PRKN: variants seen among roughly 807,000 people sequenced by gnomAD.
The protein encoded by PRKN is E3 ubiquitin-protein ligase parkin.
Under a neutral mutation model 59.5 loss-of-function variants are expected in PRKN, and 56 were observed. That is an observed-to-expected ratio of 0.94 (90% CI 0.76 to 1.18). The LOEUF is 1.18. Ranked by LOEUF, PRKN falls within the 50% of genes most tolerant of loss-of-function variation. The probability of loss-of-function intolerance (pLI) is 0.00; values close to 1 mark genes in which losing one functional copy is unlikely to be tolerated. For missense variants in PRKN, 657 were observed against 596.4 expected (o/e 1.10, Z -1.06); for synonymous variants, 250 against 222.1 (o/e 1.13, Z -1.12).
intron 5 of PRKN, among the ~76,000 whole-genome samples, chr6:162,000,886 C>T (rs1336645878): frequency 2.0e-5 from 3 of 151,562 alleles, no homozygotes; most frequent in Non-Finnish European, 4.4e-5. Flanking sequence ...TGTTCCAATA[C>T]CATTTGCTGA....
chr6:162,238,882 C>T (rs1184618908), intron 3 of PRKN, among the ~76,000 whole-genome samples: 14 of 152,268 alleles, frequency 9.2e-5, no homozygotes, highest in African/African-American at 2.2e-4. Context: ...GCACGGGCCA[C>T]GTGTGCAGTG....
At chr6:162,224,300 C>T (rs1255524340) in intron 3 of PRKN, among the ~76,000 whole-genome samples, 1 of 152,082 alleles carries the variant, frequency 6.6e-6, no homozygotes, top group Non-Finnish European at 1.5e-5. Context: ...TGTTTAGATA[C>T]ACAAAAACTT....
chr6:161,798,853 G>A (rs928902541), intron 6 of PRKN, among the ~76,000 whole-genome samples: 9 of 152,136 alleles, frequency 5.9e-5, no homozygotes, highest in African/African-American at 1.9e-4. Flanking sequence ...TGTGCAGACA[G>A]GCTCCCTGGG....
chr6:162,641,156 T>G (rs1777942603), intron 1 of PRKN, among the ~76,000 whole-genome samples: 1 of 152,136 alleles, frequency 6.6e-6, no homozygotes, highest in African/African-American at 2.4e-5. Context: ...TAGTGAAGGT[T>G]AAGCATCTTT....
chr6:162,223,413 T>C (rs1307126915), intron 3 of PRKN, among the ~76,000 whole-genome samples: 1 of 152,096 alleles, frequency 6.6e-6, no homozygotes, highest in African/African-American at 2.4e-5. Flanking sequence ...ATAATAGTGC[T>C]GCTAATAGCA....
At chr6:161,797,823 C>T (rs1036034864) in intron 6 of PRKN, among the ~76,000 whole-genome samples, 10 of 152,160 alleles carry the variant, frequency 6.6e-5, no homozygotes, top group Admixed American at 5.2e-4. Context: ...GCTTGTTTTA[C>T]GTGTATCCAG....
At position 162,475,736 on chromosome 6, in the gene PRKN, A is replaced by C. The variant is rs142948055; in HGVS notation, c.8-32263T>G. ...TATTTATTTACGCCTCTGGAAGTAC[A>C]AAACAGCACTATTTATCTATTTATG... On this transcript the variant is annotated intron_variant, in intron 1 of 11. Coordinates refer to ENST00000366898, the MANE Select transcript of PRKN (RefSeq NM_004562.3). Among the ~76,000 whole-genome samples the C allele has an allele frequency of 5.7e-3, 863 of 152,334 alleles. 6 individuals carry two copies. The highest frequency in any genetic ancestry group is 0.015 in the South Asian group (73 of 4,830).
intron 2 of PRKN, among the ~76,000 whole-genome samples, chr6:162,372,697 C>A (rs912147643): frequency 7.2e-5 from 11 of 152,014 alleles, no homozygotes; most frequent in African/African-American, 2.4e-4. Flanking sequence ...ACAGGTACCA[C>A]CTGAATGTAA....
Position 162,593,208 on chromosome 6 carries a change from A to G in PRKN, c.7+134454T>C, listed in dbSNP as rs1781376146. On this transcript the variant is annotated intron_variant, in intron 1 of 11. Transcript: ENST00000366898. Reference sequence around the variant, plus strand: ...AAGTCAGAAAGACCCAGAGGCAAGTACAATCAGCAAAGCTATCGAGGGCAA... The same window carrying G: ...AAGTCAGAAAGACCCAGAGGCAAGTGCAATCAGCAAAGCTATCGAGGGCAA... Among the ~76,000 whole-genome samples the G allele has an allele frequency of 2.6e-5, 4 of 152,252 alleles. No individual in the cohort carries two copies. In the South Asian group the frequency reaches 8.3e-4, roughly 31 times the overall value.
rs757091437 is a variant in PRKN, at chr6:161,883,032, CAAA to C, written c.734+90267_734+90269del. Among the ~76,000 whole-genome samples the C allele has an allele frequency of 2.1e-4, 29 of 139,686 alleles. No homozygotes were observed. The East Asian group carries it at 6.6e-3, about 32-fold the overall frequency. The allele number at this position is 139,686 out of a possible 152,430, so 91.6% of individuals were successfully genotyped here. Reference sequence around the variant, plus strand: ...AGAAAACAAAAAACAACAACAACAACAAAAAAAAACCAAAAAAACTCCAGGTAG... The same window carrying C: ...AGAAAACAAAAAACAACAACAACAACAAAAAACCAAAAAAACTCCAGGTAG... On this transcript the variant is annotated intron_variant, in intron 6 of 11. Transcript: ENST00000366898.
chr6:161,886,566 C>T (rs1019062193), intron 6 of PRKN, among the ~76,000 whole-genome samples: 6 of 151,890 alleles, frequency 4.0e-5, no homozygotes, highest in African/African-American at 9.7e-5. Context: ...CATGGTGGCA[C>T]GTGCCTATAA....
At chr6:162,336,116 C>T (rs1418640516) in intron 2 of PRKN, among the ~76,000 whole-genome samples, 2 of 152,060 alleles carry the variant, frequency 1.3e-5, no homozygotes, top group Non-Finnish European at 2.9e-5. Context: ...GAGCAGCAAA[C>T]AGGAGTATGA....
intron 2 of PRKN, among the ~76,000 whole-genome samples, chr6:162,344,837 G>T (rs2128129270): frequency 6.6e-6 from 1 of 152,296 alleles, no homozygotes; most frequent in South Asian, 2.1e-4. Context: ...CAGGAAAGAA[G>T]TGAGTTTCTT....
intron 1 of PRKN, among the ~76,000 whole-genome samples, chr6:162,495,781 A>G (rs1049296398): frequency 1.3e-4 from 20 of 152,018 alleles, no homozygotes; most frequent in African/African-American, 4.4e-4. Context: ...GTGCTTCCAG[A>G]CACATCTCCA....
chr6:162,424,601 T>C (rs1789134116), intron 2 of PRKN, among the ~76,000 whole-genome samples: 1 of 151,732 alleles, frequency 6.6e-6, no homozygotes, highest in South Asian at 2.1e-4. Context: ...CCGGGTGTGG[T>C]CATGGGGGCC....
At position 161,533,946 on chromosome 6, in the gene PRKN, T is replaced by A. The variant is rs1298615347; in HGVS notation, c.1083+14908A>T. ...GGAAGGCTGTATATTCACACGACAC[T>A]CGCCGTCACAGTGGTCTCTGTGACT... On this transcript the variant is annotated intron_variant, in intron 9 of 11. Transcript: ENST00000366898. This position sits in a 1 kb window ranked among gnomAD's most constrained non-coding sequence, Gnocchi z 4.1. Among the ~76,000 whole-genome samples the A allele has an allele frequency of 2.6e-5, 4 of 152,046 alleles. No homozygotes were observed. The highest frequency in any genetic ancestry group is 5.9e-5 in the Non-Finnish European group (4 of 68,006).
chr6:161,703,714 C>T (rs1326272698), intron 7 of PRKN, among the ~76,000 whole-genome samples: 1 of 152,048 alleles, frequency 6.6e-6, no homozygotes. Context: ...GGTACTTTAT[C>T]TCCCCTCTAC....
At chr6:161,678,334 C>G (rs1785169283) in intron 7 of PRKN, among the ~76,000 whole-genome samples, 1 of 135,934 alleles carries the variant, frequency 7.4e-6, no homozygotes, top group South Asian at 2.3e-4. Flanking sequence ...TCCTTAATTT[C>G]TCTGAGGCTC....
At chr6:162,386,419 T>A (rs1300523772) in intron 2 of PRKN, among the ~76,000 whole-genome samples, 1 of 152,236 alleles carries the variant, frequency 6.6e-6, no homozygotes, top group Non-Finnish European at 1.5e-5. Flanking sequence ...GTAACTGAAA[T>A]ATTTTCACCT....
Sources: allele counts gnomAD v4.1 joint callset (sites outside exome capture counted in the v4.1 genomes callset), GRCh38; gene constraint gnomAD v4.1.1; non-coding constraint Gnocchi (gnomAD v3.1); transcripts MANE v1.5; gene names NCBI Gene and HGNC (gene_info 2026-07-23, HGNC 2026-07-21).